Variants in INSYN2A observed in about 807,000 individuals in gnomAD.
The protein encoded by INSYN2A is inhibitory synaptic factor 2A.
A neutral mutation model predicts 39.4 loss-of-function variants in INSYN2A; 17 were observed. The observed-to-expected ratio is 0.43, with a 90% CI of 0.30 to 0.65. The LOEUF (loss-of-function observed/expected upper bound fraction) is 0.65, where lower values mean the gene tolerates loss of function less well. Ranked by LOEUF, INSYN2A falls within the 30% of genes least tolerant of loss-of-function variation. The probability of loss-of-function intolerance (pLI) is 0.14; values close to 1 mark genes in which losing one functional copy is unlikely to be tolerated. For missense variants in INSYN2A, 595 were observed against 631.2 expected (o/e 0.94, Z 0.61); for synonymous variants, 255 against 265.7 (o/e 0.96, Z 0.39).
chr10:127,190,397 C>A (rs1043471598), intron 2 of INSYN2A, among the ~76,000 whole-genome samples: 7 of 152,140 alleles, frequency 4.6e-5, no homozygotes, highest in African/African-American at 1.7e-4. Context: ...ACAATTCTTT[C>A]CCAATCAGGA....
At chr10:127,190,607 T>G (rs2056652610) in intron 2 of INSYN2A, among the ~76,000 whole-genome samples, 2 of 147,040 alleles carry the variant, frequency 1.4e-5, no homozygotes, top group South Asian at 2.2e-4. Flanking sequence ...AAACTTATTT[T>G]TTAAATAATA....
chr10:127,157,219 GCAGT>G (rs550230316), intron 4 of INSYN2A, among the ~76,000 whole-genome samples: 213 of 152,328 alleles, frequency 1.4e-3, no homozygotes, highest in South Asian at 7.0e-3. Flanking sequence ...TAATGAAAAA[GCAGT>G]CAGTCATCTG....
At chr10:127,178,006 C>G (rs1005537685) in intron 2 of INSYN2A, among the ~76,000 whole-genome samples, 1 of 152,180 alleles carries the variant, frequency 6.6e-6, no homozygotes, top group Non-Finnish European at 1.5e-5. Flanking sequence ...AGCTGTCCAA[C>G]AGACAGAGGC....
At chr10:127,169,611 G>T (rs1393066865) in intron 4 of INSYN2A, among the ~76,000 whole-genome samples, 1 of 152,190 alleles carries the variant, frequency 6.6e-6, no homozygotes, top group Non-Finnish European at 1.5e-5. Context: ...CATTCATACA[G>T]ATTCTCTGTG....
In INSYN2A at chr10:127,164,621, C is replaced by T. The variant is rs546598964; in HGVS notation, c.1184+10591G>A. Among the ~76,000 whole-genome samples, 82 of 152,322 alleles carry T rather than the reference C, an allele frequency of 5.4e-4. No individual in the cohort carries two copies. The South Asian group carries it at 0.011, about 20-fold the overall frequency. ...ATAGACATTATTATTGTCAGAAATA[C>T]ATGCAGATTTGGACAGGGACAAATA... On this transcript the variant is annotated intron_variant, in intron 4 of 5. Coordinates refer to ENST00000522781, the MANE Select transcript of INSYN2A (RefSeq NM_001039762.3).
rs538508476 is a variant in INSYN2A, at chr10:127,196,474, C to CT, written c.-873dup. On this transcript the variant is annotated 5_prime_UTR_variant, in exon 1 of 6. Coordinates refer to ENST00000522781, the MANE Select transcript of INSYN2A (RefSeq NM_001039762.3). ...CAGAGGAGGGAGCAGGAGGGAAGTC[C>CT]TTTCCGCTGCTCCAGGTCCCAGCTA... is the stretch of plus-strand genomic sequence containing the variant. Among the ~76,000 whole-genome samples the CT allele has an allele frequency of 2.5e-3, 375 of 148,464 alleles. 2 individuals are homozygous for CT. Among genetic ancestry groups the CT allele is most frequent in the Non-Finnish European group, 4.4e-3 (295 of 66,668 alleles).
At chr10:127,141,460 T>A (rs901792690) in intron 5 of INSYN2A, among the ~76,000 whole-genome samples, 1 of 152,116 alleles carries the variant, frequency 6.6e-6, no homozygotes, top group Non-Finnish European at 1.5e-5. Flanking sequence ...CCTAGCACTT[T>A]GGGAGGCCGA....
chr10:127,156,878 C>A (rs1004635763), intron 4 of INSYN2A, among the ~76,000 whole-genome samples: 1 of 152,138 alleles, frequency 6.6e-6, no homozygotes, highest in Non-Finnish European at 1.5e-5. Flanking sequence ...CGAGATATTG[C>A]TCTTCTAAAG....
At chr10:127,161,879 G>T (rs1284847350) in intron 4 of INSYN2A, among the ~76,000 whole-genome samples, 5 of 152,108 alleles carry the variant, frequency 3.3e-5, no homozygotes, top group Admixed American at 6.6e-5. Flanking sequence ...AATTGAGAAG[G>T]TGTCTTTGTC....
intron 5 of INSYN2A, among the ~76,000 whole-genome samples, chr10:127,148,908 G>A (rs1380672616): frequency 6.6e-6 from 1 of 152,174 alleles, no homozygotes; most frequent in Non-Finnish European, 1.5e-5. Context: ...AGGGATGTCT[G>A]TCATCTTAGA....
At position 127,140,878 on chromosome 10, in the gene INSYN2A, G is replaced by GCA. The variant is rs530724081; in HGVS notation, c.1257-2860_1257-2859dup. Among the ~76,000 whole-genome samples the GCA allele has an allele frequency of 1.3e-3, 192 of 152,338 alleles. 1 individual carries two copies. Among genetic ancestry groups the GCA allele is most frequent in the African/African-American group, 4.4e-3 (183 of 41,592 alleles). ...TGTTCCAGGGCACTGGGACTGCCCT[G>GCA]CACACAGACCTCCCTCTGTATTTGA... On this transcript the variant is annotated intron_variant, in intron 5 of 5. Transcript: ENST00000522781.
Position 127,143,550 on chromosome 10 carries a change from C to A in INSYN2A, c.1257-5530G>T, listed in dbSNP as rs78625742. Among the ~76,000 whole-genome samples, 159 of 152,302 alleles carry A rather than the reference C, an allele frequency of 1.0e-3. 1 individual carries two copies. Among genetic ancestry groups the A allele is most frequent in the African/African-American group, 3.6e-3 (151 of 41,566 alleles). ...CCTGGGCCCAGGAGGGCAGGTGCAC[C>A]AGGATGTGGGCTGGCTTTTATTGTG... On this transcript the variant is annotated intron_variant, in intron 5 of 5. Coordinates refer to ENST00000522781, the MANE Select transcript of INSYN2A (RefSeq NM_001039762.3).
Position 127,176,280 on chromosome 10 carries a change from T to C in INSYN2A, c.116A>G (p.Lys39Arg), listed in dbSNP as rs1265439643. The C allele has an allele frequency of 6.2e-7, 1 of 1,614,140 alleles. No homozygotes were observed. The highest frequency in any genetic ancestry group is 8.5e-7 in the Non-Finnish European group (1 of 1,180,032). The change falls in exon 4 of 6, where the codon AAA becomes AGA. Residue 39 changes from lysine (K) to arginine (R), a missense_variant. Physicochemically the swap from Lys to Arg is conservative, Grantham distance 26. Around this residue, in one of 2 missense-constraint regions of INSYN2A, gnomAD observed 478 missense variants for 467.4 expected, o/e 1.02. Transcript: ENST00000522781. This position sits in a 1 kb window ranked among gnomAD's most constrained non-coding sequence, Gnocchi z 4.4. ...KYALDPNRQI[K>R]KRNKALQVRF... ...CACCTGCAGGGCTTTGTTCCGTTTT[T>C]TAATCTGCCGGTTGGGGTCCAGGGC...
intron 2 of INSYN2A, among the ~76,000 whole-genome samples, chr10:127,189,126 C>T (rs1489443430): frequency 2.6e-5 from 4 of 152,308 alleles, no homozygotes; most frequent in South Asian, 2.1e-4. Context: ...GCAGGACCTA[C>T]GAGACACAAG....
At chr10:127,186,845 G>C (rs546789893) in intron 2 of INSYN2A, among the ~76,000 whole-genome samples, 1 of 152,128 alleles carries the variant, frequency 6.6e-6, no homozygotes, top group African/African-American at 2.4e-5. Context: ...CGAGAGAAAT[G>C]CACAGACAAA....
intron 4 of INSYN2A, among the ~76,000 whole-genome samples, chr10:127,156,277 C>T (rs1330460832): frequency 1.3e-5 from 2 of 152,140 alleles, no homozygotes; most frequent in African/African-American, 2.4e-5. Context: ...CATACAGTCA[C>T]ACTTCAGGTC....
intron 5 of INSYN2A, among the ~76,000 whole-genome samples, chr10:127,144,378 T>C (rs1396915020): frequency 6.6e-6 from 1 of 152,214 alleles, no homozygotes; most frequent in African/African-American, 2.4e-5. Flanking sequence ...CATGAGAGCC[T>C]GTCTCCTGTG....
At position 127,137,768 on chromosome 10, in the gene INSYN2A, T is replaced by G; in HGVS notation, c.*69A>C. On this transcript the variant is annotated 3_prime_UTR_variant, in exon 6 of 6. Coordinates refer to ENST00000522781, the MANE Select transcript of INSYN2A (RefSeq NM_001039762.3). ...CACAGTTCCCTCGATCCTATTCATT[T>G]TGGAAAAGTATTGACTTAAACTCCA... The G allele has an allele frequency of 1.4e-6, 2 of 1,433,118 alleles. No individual in the cohort carries two copies. The highest frequency in any genetic ancestry group is 1.9e-6 in the Non-Finnish European group (2 of 1,055,564). 88.8% of individuals were successfully genotyped at this position (1,433,118 alleles called of 1,614,324 possible).
chr10:127,183,972 A>G (rs1416297532), intron 2 of INSYN2A, among the ~76,000 whole-genome samples: 1 of 152,086 alleles, frequency 6.6e-6, no homozygotes, highest in Non-Finnish European at 1.5e-5. Flanking sequence ...TCCTTCCCTC[A>G]CAAAGTTTCA....
Sources: gnomAD v4.1 joint callset for allele counts (sites outside exome capture counted in the v4.1 genomes callset) on GRCh38, gnomAD v4.1.1 for gene constraint, gnomAD v4.1.1 regional missense constraint, Gnocchi (gnomAD v3.1) non-coding constraint, MANE v1.5 for transcripts, NCBI Gene and HGNC (gene_info 2026-07-23, HGNC 2026-07-21) for gene names.